Variants in ROCK2 observed in about 807,000 individuals in gnomAD.
ROCK2 encodes rho-associated protein kinase 2.
A neutral mutation model predicts 195.1 loss-of-function variants in ROCK2; 61 were observed. The observed-to-expected ratio is 0.31, with a 90% CI of 0.25 to 0.39. ROCK2 has a LOEUF of 0.39. Among genes scored for constraint, ROCK2 ranks in the 10% least tolerant of loss-of-function variants. The probability of loss-of-function intolerance (pLI) is 1.00; values close to 1 mark genes in which losing one functional copy is unlikely to be tolerated. For missense variants in ROCK2, 1,109 were observed against 1,637.4 expected (o/e 0.68, Z 5.57); for synonymous variants, 504 against 545.5 (o/e 0.92, Z 1.06).
Position 11,208,467 on chromosome 2 carries a change from C to G in ROCK2, c.2204-20G>C. ...CCATTTCTAGTATAATAAAAATGGACACAATCATAAATTTACAAATAAAAG... is the reference window on the plus strand; with the variant it reads ...CCATTTCTAGTATAATAAAAATGGAGACAATCATAAATTTACAAATAAAAG... On this transcript the variant is annotated intron_variant, in intron 18 of 32. Coordinates refer to ENST00000315872, the MANE Select transcript of ROCK2 (RefSeq NM_004850.5). 7.2e-7 allele frequency: 1 copy of G among 1,381,362 alleles called. No individual in the cohort carries two copies. Among genetic ancestry groups the G allele is most frequent in the Non-Finnish European group, 9.7e-7 (1 of 1,035,196 alleles). 85.6% of individuals were successfully genotyped at this position (1,381,362 alleles called of 1,614,324 possible).
chr2:11,211,823 T>G lies in ROCK2; in HGVS notation c.2061A>C (p.Glu687Asp), dbSNP rs1381539409. ...CTTTTAGTTGGTATGTCATATCTAT[T>G]TCCATGTTGCTTTTTTCCTATTAAA... The part of the protein sequence containing the change: ...TDLEKEKSNM[E>D]IDMTYQLKVI... The change falls in exon 18 of 33, where the codon GAA (glutamate) becomes GAC (aspartate). Residue 687 changes from glutamate to aspartate, a missense_variant. Physicochemically the swap from Glu to Asp is conservative, Grantham distance 45. Coordinates refer to ENST00000315872, the MANE Select transcript of ROCK2 (RefSeq NM_004850.5). 1 of 1,593,032 alleles carries G rather than the reference T, an allele frequency of 6.3e-7. No homozygotes were observed. The highest frequency in any genetic ancestry group is 8.5e-7 in the Non-Finnish European group (1 of 1,173,326).
At chr2:11,274,140 C>T (rs1558349020) in intron 3 of ROCK2, among the ~76,000 whole-genome samples, 1 of 151,084 alleles carries the variant, frequency 6.6e-6, no homozygotes, top group Admixed American at 6.6e-5. Context: ...GCTATAAATG[C>T]TTACATTAAA....
chr2:11,308,717 T>C (rs1455967719), intron 1 of ROCK2: 8 of 1,610,874 alleles, frequency 5.0e-6, no homozygotes, highest in Non-Finnish European at 6.8e-6. Flanking sequence ...TGTTGAAAAA[T>C]TAACCAAAGG....
At position 11,276,070 on chromosome 2, in the gene ROCK2, G is replaced by A. The variant is rs185096568; in HGVS notation, c.324+10469C>T. Among the ~76,000 whole-genome samples, 345 of 152,226 alleles carry A rather than the reference G, an allele frequency of 2.3e-3. 3 individuals carry two copies. The highest frequency in any genetic ancestry group is 8.1e-3 in the African/African-American group (335 of 41,516). On this transcript the variant is annotated intron_variant, in intron 3 of 32. Transcript: ENST00000315872. ...AGGAGTAAAAGAAAACCACCTCAACGTAATAAACTACATATGTGAAACACC... is the reference window on the plus strand; with the variant it reads ...AGGAGTAAAAGAAAACCACCTCAACATAATAAACTACATATGTGAAACACC...
At chr2:11,305,882 T>TA (rs1667844917) in intron 1 of ROCK2, among the ~76,000 whole-genome samples, 1 of 152,196 alleles carries the variant, frequency 6.6e-6, no homozygotes, top group South Asian at 2.1e-4. Flanking sequence ...AAGAAAAAAG[T>TA]TTAAAAATAA....
chr2:11,212,212 C>T (rs13022598), intron 17 of ROCK2, among the ~76,000 whole-genome samples: 56,013 of 151,896 alleles, frequency 0.37, 12,757 homozygotes, highest in Admixed American at 0.51. Context: ...CCATGGTGCT[C>T]AACCTTAACT....
At chr2:11,211,410 A>G (rs1269008817) in intron 18 of ROCK2, among the ~76,000 whole-genome samples, 1 of 152,204 alleles carries the variant, frequency 6.6e-6, no homozygotes, top group East Asian at 1.9e-4. Flanking sequence ...TACCAGGTAT[A>G]TAATATTGAG....
At chr2:11,242,237 C>G (rs1665451842) in intron 4 of ROCK2, among the ~76,000 whole-genome samples, 1 of 152,128 alleles carries the variant, frequency 6.6e-6, no homozygotes, top group South Asian at 2.1e-4. Context: ...TAACATAGCA[C>G]AATATCTTCA....
chr2:11,307,959 A>C, intron 1 of ROCK2: 2 of 1,452,272 alleles, frequency 1.4e-6, no homozygotes, highest in Non-Finnish European at 9.1e-7. Flanking sequence ...AGGCCTGGGA[A>C]GGATGGCGCC....
At chr2:11,316,719 A>G (rs1668204115) in intron 1 of ROCK2, among the ~76,000 whole-genome samples, 2 of 152,176 alleles carry the variant, frequency 1.3e-5, no homozygotes, top group South Asian at 4.1e-4. Flanking sequence ...ATTTTATGCG[A>G]CCATGTATTT....
At chr2:11,272,161 T>A (rs893517661) in intron 3 of ROCK2, among the ~76,000 whole-genome samples, 1 of 152,174 alleles carries the variant, frequency 6.6e-6, no homozygotes, top group African/African-American at 2.4e-5. Context: ...ACAGGAAAGT[T>A]AAGACATTAA....
At chr2:11,264,722 A>AGAGCCAATT (rs1572331980) in intron 3 of ROCK2, among the ~76,000 whole-genome samples, 1 of 152,218 alleles carries the variant, frequency 6.6e-6, no homozygotes, top group Non-Finnish European at 1.5e-5. Context: ...AAATAAACAA[A>AGAGCCAATT]GAGCCTGGCC....
intron 3 of ROCK2, among the ~76,000 whole-genome samples, chr2:11,268,094 C>T (rs1384373535): frequency 6.6e-6 from 1 of 151,904 alleles, no homozygotes; most frequent in Non-Finnish European, 1.5e-5. Flanking sequence ...GGGGAGAACA[C>T]CAAGCAAACC....
In ROCK2 at chr2:11,206,792, T is replaced by C. The variant is rs78453760; in HGVS notation, c.2549+934A>G. Among the ~76,000 whole-genome samples, 394 of 152,332 alleles carry C rather than the reference T, an allele frequency of 2.6e-3. 6 individuals carry two copies. Among genetic ancestry groups the C allele is most frequent in the Non-Finnish European group, 2.6e-3 (179 of 68,034 alleles). ...ATGATGGATGCTTTAAATAAACCATTGCTATCCTTTACAAGATCCCTAACA... is the reference window on the plus strand; with the variant it reads ...ATGATGGATGCTTTAAATAAACCATCGCTATCCTTTACAAGATCCCTAACA... On this transcript the variant is annotated intron_variant, in intron 20 of 32. Transcript: ENST00000315872.
intron 8 of ROCK2, 72 bp from the exon 9 acceptor site, chr2:11,221,429 G>T: frequency 9.1e-7 from 1 of 1,094,790 alleles, no homozygotes; most frequent in Non-Finnish European, 1.3e-6. Flanking sequence ...TTATTATGAT[G>T]TATTATTTAT....
intron 3 of ROCK2, among the ~76,000 whole-genome samples, chr2:11,283,524 G>T (rs998689864): frequency 3.0e-5 from 4 of 135,316 alleles, no homozygotes; most frequent in Non-Finnish European, 6.1e-5. Flanking sequence ...TTGCGCCACT[G>T]CAGTCCGCAG....
chr2:11,325,034 C>T (rs1319550279), intron 1 of ROCK2, among the ~76,000 whole-genome samples: 1 of 152,196 alleles, frequency 6.6e-6, no homozygotes. Context: ...AGGAAATCCC[C>T]TTCATGCTAT....
chr2:11,253,845 T>G (rs1398759771), intron 3 of ROCK2, among the ~76,000 whole-genome samples: 1 of 152,256 alleles, frequency 6.6e-6, no homozygotes, highest in African/African-American at 2.4e-5. Flanking sequence ...CAGCTAATAC[T>G]TATATTGATG....
At chr2:11,183,969 T>C (rs532251029) in intron 32 of ROCK2, among the ~76,000 whole-genome samples, 1 of 152,200 alleles carries the variant, frequency 6.6e-6, no homozygotes, top group African/African-American at 2.4e-5. Flanking sequence ...TGCAACTTGC[T>C]TACTTAGACT....
Sources: allele counts gnomAD v4.1 joint callset (sites outside exome capture counted in the v4.1 genomes callset), GRCh38; gene constraint gnomAD v4.1.1; transcripts MANE v1.5; gene names NCBI Gene and HGNC (gene_info 2026-07-23, HGNC 2026-07-21).